Variants in HEYL observed in about 807,000 individuals in gnomAD.
The protein encoded by HEYL is hes related family bHLH transcription factor with YRPW motif like.
Under a neutral mutation model 18.6 loss-of-function variants are expected in HEYL, and 12 were observed. The ratio of observed to expected loss-of-function variants is 0.65; its 90% CI spans 0.41 to 1.05. HEYL has a LOEUF of 1.05. Among genes scored for constraint, HEYL ranks in the 50% least tolerant of loss-of-function variants. HEYL has a pLI of 0.00. For missense variants in HEYL, 420 were observed against 444.7 expected (o/e 0.94, Z 0.50); for synonymous variants, 159 against 179.6 (o/e 0.89, Z 0.91).
chr1:39,626,532 T>C lies in HEYL; in HGVS notation c.962A>G (p.Glu321Gly). The C allele has an allele frequency of 6.5e-7, 1 of 1,539,682 alleles. No homozygotes were observed. Among genetic ancestry groups the C allele is most frequent in the African/African-American group, 1.4e-5 (1 of 72,636 alleles). Reference sequence around the variant, plus strand: ...TCAGAAAGCCCCGATTTCAGTGATTTCAGAGACCCAGGAGTGGTAGAGCAT... The same window carrying C: ...TCAGAAAGCCCCGATTTCAGTGATTCCAGAGACCCAGGAGTGGTAGAGCAT... ...GAMLYHSWVS[E>G]ITEIGAF The change falls in exon 5 of 5, where the codon GAA becomes GGA. Residue 321 changes from glutamate to glycine, a missense_variant. Coordinates refer to ENST00000372852, the MANE Select transcript of HEYL (RefSeq NM_014571.4).
chr1:39,627,147 A>G lies in HEYL; in HGVS notation c.347T>C (p.Phe116Ser), dbSNP rs750868509. The change falls in exon 5 of 5, where the codon TTC becomes TCC. Residue 116 changes from phenylalanine to serine, a missense_variant. Phe to Ser is a radical substitution (Grantham distance 155). Coordinates refer to ENST00000372852, the MANE Select transcript of HEYL (RefSeq NM_014571.4). ...FFDARALAVD[F>S]RSIGFRECLT... is the part of the protein sequence containing the mutation. The stretch of plus-strand genomic sequence containing the variant: ...GCACTCCCGAAAACCAATGCTCCGG[A>G]AGTCAACTGCCAGGGCTCGGGCATC... 6 of 1,613,334 alleles carry G rather than the reference A, an allele frequency of 3.7e-6. No individual in the cohort carries two copies.
chr1:39,630,772 T>A (rs564739294), intron 3 of HEYL, among the ~76,000 whole-genome samples: 20 of 152,362 alleles, frequency 1.3e-4, no homozygotes, highest in African/African-American at 4.6e-4. Context: ...CATCATCTTA[T>A]CCCCAGACCA....
At chr1:39,631,633 G>T in intron 2 of HEYL, 54 bp from the exon 3 acceptor site, 6 of 1,427,264 alleles carry the variant, frequency 4.2e-6, no homozygotes, top group Non-Finnish European at 5.9e-6. Context: ...AGTTTCCAAA[G>T]TGCCTTGATG....
In HEYL at chr1:39,625,445, C is replaced by T. The variant is rs953620522; in HGVS notation, c.*1062G>A. On this transcript the variant is annotated 3_prime_UTR_variant, in exon 5 of 5. Transcript: ENST00000372852. ...ATGACCTTGAAGGGCCAAGGTGCCTCGAATCATCCTTTCTCTTGCCCCTCC... is the reference window on the plus strand; with the variant it reads ...ATGACCTTGAAGGGCCAAGGTGCCTTGAATCATCCTTTCTCTTGCCCCTCC... 5 of 152,292 alleles carry T rather than the reference C, an allele frequency of 3.3e-5. No homozygotes were observed. The highest frequency in any genetic ancestry group is 4.8e-5 in the African/African-American group (2 of 41,456). The allele number at this position is 152,292 out of a possible 1,614,324, so 9.4% of individuals were successfully genotyped here. A position where few individuals can be genotyped will look rare whatever the true frequency, so the allele number is the denominator to read the frequency against.
rs1413729989 is a variant in HEYL, at chr1:39,626,754, CTCCGG to C, written c.735_739del (p.Arg246GlyfsTer74). The C allele has an allele frequency of 6.5e-7, 1 of 1,531,506 alleles. No individual in the cohort carries two copies. The highest frequency in any genetic ancestry group is 1.4e-5 in the African/African-American group (1 of 73,016). 94.9% of individuals were successfully genotyped at this position (1,531,506 alleles called of 1,614,324 possible). A position where few individuals can be genotyped will look rare whatever the true frequency, so the allele number is the denominator to read the frequency against. On this transcript the variant is annotated frameshift_variant, in exon 5 of 5. Transcript: ENST00000372852. LOFTEE classifies it low-confidence loss of function (END_TRUNC). ...CGCTGGCCTCTCTAGGGGGCGGGCCCTCCGGGTGGAAGATGCCCCTCGACTGGGCA... is the reference window on the plus strand; with the variant it reads ...CGCTGGCCTCTCTAGGGGGCGGGCCCGTGGAAGATGCCCCTCGACTGGGCA...
chr1:39,639,603 C>T lies in HEYL; in HGVS notation c.23G>A (p.Ser8Asn), dbSNP rs1238100969. MKRPKEPSGSDGESDGPI... is the reference protein window; with the variant it reads MKRPKEPNGSDGESDGPI... ...TCCGTCGGACTCCCCGTCGGAGCCG[C>T]TCGGCTCCTTGGGTCGCTTCATGGC... Residue 8 changes from serine (S) to asparagine (N), a missense_variant, in exon 1 of 5, where the codon AGC (serine) becomes AAC (asparagine). Physicochemically the swap from Ser to Asn is conservative, Grantham distance 46. Coordinates refer to ENST00000372852, the MANE Select transcript of HEYL (RefSeq NM_014571.4). 3.2e-6 allele frequency: 5 copies of T among 1,575,646 alleles called. No homozygotes were observed. Among genetic ancestry groups the T allele is most frequent in the Non-Finnish European group, 4.3e-6 (5 of 1,166,218 alleles).
Position 39,624,763 on chromosome 1 carries a change from C to G in HEYL, c.*1744G>C, listed in dbSNP as rs904880900. 1.3e-5 allele frequency: 2 copies of G among 152,214 alleles called. No homozygotes were observed. Among genetic ancestry groups the G allele is most frequent in the African/African-American group, 4.8e-5 (2 of 41,438 alleles). 9.4% of individuals were successfully genotyped at this position (152,214 alleles called of 1,614,324 possible). A position where few individuals can be genotyped will look rare whatever the true frequency, so the allele number is the denominator to read the frequency against. On this transcript the variant is annotated 3_prime_UTR_variant, in exon 5 of 5. Coordinates refer to ENST00000372852, the MANE Select transcript of HEYL (RefSeq NM_014571.4). ...TTGCTACTGCACATCTCAGATGGGT[C>G]CAGGAGGACAGCAGTCTGATGGAAT...
chr1:39,633,210 G>C, intron 1 of HEYL: 2 of 650,318 alleles, frequency 3.1e-6, no homozygotes, highest in Non-Finnish European at 3.8e-6. Flanking sequence ...CGGTGCGGCC[G>C]GGGGCGAAGG....
At chr1:39,637,136 AGT>A (rs1369628845) in intron 1 of HEYL, among the ~76,000 whole-genome samples, 1 of 152,206 alleles carries the variant, frequency 6.6e-6, no homozygotes, top group Non-Finnish European at 1.5e-5. Flanking sequence ...ACCCTGATCC[AGT>A]GTCTGACATG....
At chr1:39,630,359 G>T in intron 3 of HEYL, 51 bp from the exon 4 acceptor site, 2 of 1,406,962 alleles carry the variant, frequency 1.4e-6, no homozygotes, top group Non-Finnish European at 2.0e-6. Flanking sequence ...CCATGTAGCT[G>T]TGCGGTGTCA....
Position 39,627,006 on chromosome 1 carries a change from GA to G in HEYL, c.487del (p.Ser163ArgfsTer27). 6.2e-7 allele frequency: 1 copy of G among 1,614,174 alleles called. No homozygotes were observed. The highest frequency in any genetic ancestry group is 8.5e-7 in the Non-Finnish European group (1 of 1,180,004). ...LNSYAAEMEP[S>X]PTPTGPLAFP... Reference sequence around the variant, plus strand: ...GGCCAAAGGGCCAGTGGGCGTGGGCGAAGGCTCCATCTCGGCTGCGTAGCTG... The same window carrying G: ...GGCCAAAGGGCCAGTGGGCGTGGGCGAGGCTCCATCTCGGCTGCGTAGCTG... On this transcript the variant is annotated frameshift_variant, in exon 5 of 5. Transcript: ENST00000372852. LOFTEE classifies it low-confidence loss of function (END_TRUNC).
rs1646288014 is a variant in HEYL, at chr1:39,625,000, GGGA to G, written c.*1504_*1506del. 6.6e-6 allele frequency: 1 copy of G among 152,144 alleles called. No individual in the cohort carries two copies. 9.4% of individuals were successfully genotyped at this position (152,144 alleles called of 1,614,324 possible). A position where few individuals can be genotyped will look rare whatever the true frequency, so the allele number is the denominator to read the frequency against. ...CTCTGGGGAGGGTGGTTCCATCAAA[GGGA>G]GGAGGTGGGAGAATCTTCCCAGGGG... On this transcript the variant is annotated 3_prime_UTR_variant, in exon 5 of 5. Coordinates refer to ENST00000372852, the MANE Select transcript of HEYL (RefSeq NM_014571.4).
intron 4 of HEYL, among the ~76,000 whole-genome samples, chr1:39,629,475 AG>A (rs1171815119): frequency 6.6e-6 from 1 of 152,152 alleles, no homozygotes; most frequent in Non-Finnish European, 1.5e-5. Context: ...GCCTGCCCCA[AG>A]GTGACAATGG....
rs375406092 is a variant in HEYL, at chr1:39,632,638, C to T, written c.147+11G>A. The T allele has an allele frequency of 3.1e-6, 5 of 1,611,672 alleles. No individual in the cohort carries two copies. In the East Asian group the frequency reaches 6.7e-5, roughly 22 times the overall value. ...TTGTTGGTCAACTCAGAGGCTGAGA[C>T]GGACACTCACCCCTCTGTGTTTCTT... On this transcript the variant is annotated intron_variant, in intron 2 of 4. Coordinates refer to ENST00000372852, the MANE Select transcript of HEYL (RefSeq NM_014571.4).
chr1:39,634,817 G>T (rs1422342265), intron 1 of HEYL, among the ~76,000 whole-genome samples: 1 of 152,182 alleles, frequency 6.6e-6, no homozygotes, highest in East Asian at 1.9e-4. Flanking sequence ...AACCATGTCT[G>T]TTACATTCAC....
Position 39,623,866 on chromosome 1 carries a change from G to A in HEYL, c.*2641C>T, listed in dbSNP as rs1646280667. Among the ~76,000 whole-genome samples the A allele has an allele frequency of 6.6e-6, 1 of 152,176 alleles. No homozygotes were observed. Among genetic ancestry groups the A allele is most frequent in the Non-Finnish European group, 1.5e-5 (1 of 68,034 alleles). On this transcript the variant is annotated 3_prime_UTR_variant, in exon 5 of 5. Transcript: ENST00000372852. ...GGCAGAAGCTCAGGGAGCAAGTCTG[G>A]GACTGGCAAGAAATGAGGCTGGAAA...
chr1:39,630,135 G>A, intron 4 of HEYL, 92 bp downstream of exon 4: 1 of 1,011,008 alleles, frequency 9.9e-7, no homozygotes, highest in East Asian at 2.4e-5. Context: ...AGAGTGGGCA[G>A]CGTGTGGACT....
At chr1:39,638,365 G>C (rs1397728453) in intron 1 of HEYL, among the ~76,000 whole-genome samples, 2 of 152,148 alleles carry the variant, frequency 1.3e-5, no homozygotes, top group African/African-American at 4.8e-5. Context: ...GCCAAGGCAG[G>C]AGGATCACTT....
chr1:39,629,292 A>C (rs1335066156), intron 4 of HEYL, among the ~76,000 whole-genome samples: 1 of 152,156 alleles, frequency 6.6e-6, no homozygotes, highest in African/African-American at 2.4e-5. Context: ...AATCTCCCCC[A>C]TTGGTTCATT....
Sources: gnomAD v4.1 joint callset for allele counts (sites outside exome capture counted in the v4.1 genomes callset) on GRCh38, gnomAD v4.1.1 for gene constraint, MANE v1.5 for transcripts, NCBI Gene and HGNC (gene_info 2026-07-23, HGNC 2026-07-21) for gene names.